GSE1: variants seen among roughly 807,000 people sequenced by gnomAD.
GSE1 encodes Gse1 coiled-coil protein.
GSE1 carries 32 observed loss-of-function variants against 112.6 expected under a neutral mutation model. The observed-to-expected ratio is 0.28, with a 90% confidence interval of 0.21 to 0.38. The LOEUF is 0.38. Among genes scored for constraint, GSE1 ranks in the 10% least tolerant of loss-of-function variants. GSE1 has a pLI of 1.00. For synonymous variants in GSE1, 1,115 were observed against 735.6 expected, an observed-to-expected ratio of 1.52 and a Z score of -8.35; for missense variants, 2,348 against 1,699.2, an observed-to-expected ratio of 1.38 and a Z score of -6.71.
intron 1 of GSE1, among the ~76,000 whole-genome samples, chr16:85,331,361 G>GTATATATGTATATATATA (rs1299782485): frequency 7.5e-5 from 5 of 66,978 alleles, no homozygotes; most frequent in Non-Finnish European, 1.7e-4. Flanking sequence ...GTGTGTGTGT[G>GTATATATGTATATATATA]TGTGTATATA....
upstream of GSE1, among the ~76,000 whole-genome samples, chr16:85,612,461 G>A (rs2048054680): frequency 6.6e-6 from 1 of 152,102 alleles, no homozygotes; most frequent in Admixed American, 6.5e-5. Flanking sequence ...TTCTGGAGGC[G>A]GGCGACCTCG....
chr16:85,504,607 A>G (rs1429594471), intron 2 of GSE1, among the ~76,000 whole-genome samples: 1 of 152,250 alleles, frequency 6.6e-6, no homozygotes, highest in East Asian at 1.9e-4. Context: ...AGAATTGGGA[A>G]ATAAAGAGAT....
intron 2 of GSE1, among the ~76,000 whole-genome samples, chr16:85,438,869 G>A (rs1015891701): frequency 2.0e-5 from 3 of 152,198 alleles, no homozygotes; most frequent in Non-Finnish European, 4.4e-5. Context: ...CTCCCGTACT[G>A]ACCACTGCGT....
At chr16:85,429,088 C>T (rs1192312369) in intron 2 of GSE1, among the ~76,000 whole-genome samples, 2 of 152,246 alleles carry the variant, frequency 1.3e-5, no homozygotes, top group Non-Finnish European at 2.9e-5. Flanking sequence ...CTGCATCACT[C>T]ACGGTAAACA....
At chr16:85,654,486 A>T (rs1598614279) in intron 4 of GSE1, 36 bp downstream of exon 4, 3 of 1,529,748 alleles carry the variant, frequency 2.0e-6, no homozygotes. Flanking sequence ...TGAGGTGGCC[A>T]GGTGGGGACA....
chr16:85,272,763 T>C (rs1021522852), intron 1 of GSE1, among the ~76,000 whole-genome samples: 9 of 150,206 alleles, frequency 6.0e-5, no homozygotes, highest in Non-Finnish European at 1.2e-4. Context: ...TGCTTGCTTG[T>C]TTTCTTCTCT....
intron 2 of GSE1, among the ~76,000 whole-genome samples, chr16:85,486,330 C>G (rs1464415859): frequency 6.6e-6 from 1 of 152,232 alleles, no homozygotes; most frequent in East Asian, 1.9e-4. Context: ...CTCTTGCACG[C>G]ATGTTGTCAC....
intron 7 of GSE1, among the ~76,000 whole-genome samples, chr16:85,657,012 C>T (rs981026187): frequency 1.3e-5 from 2 of 152,222 alleles, no homozygotes; most frequent in African/African-American, 4.8e-5. Flanking sequence ...TAATAGTCTG[C>T]TCTTTGAGCC....
chr16:85,594,244 G>GA (rs2047125511), intron 1 of GSE1: 4 of 131,806 alleles, frequency 3.0e-5, no homozygotes, highest in African/African-American at 1.1e-4. Context: ...GGGGGGGGGG[G>GA]GCGGAGGGGA....
intron 1 of GSE1, among the ~76,000 whole-genome samples, chr16:85,572,674 G>A (rs143217102): frequency 9.9e-5 from 15 of 152,268 alleles, no homozygotes; most frequent in Admixed American, 2.0e-4. Flanking sequence ...GGGCTGCTCC[G>A]GAACCCAGTT....
chr16:85,648,036 T>C (rs927170322), intron 2 of GSE1, among the ~76,000 whole-genome samples: 2 of 151,656 alleles, frequency 1.3e-5, no homozygotes, highest in African/African-American at 2.4e-5. Context: ...GGGTCTCTGC[T>C]GCTTACACGT....
rs985557743 is a variant in GSE1 at position 85,617,622 on chromosome 16, A to G, written c.7+4224A>G. On this transcript the variant is annotated intron_variant, in intron 1 of 15. Transcript: ENST00000253458. ...CCCCCCCCCCCCCCCGTTAACTGCC[A>G]CGTGCAGCCCAAGCTGAGACCCTGG... Among the ~76,000 whole-genome samples, 2 of 87,450 alleles carry G rather than the reference A, an allele frequency of 2.3e-5. 1 individual carries two copies. The highest frequency in any genetic ancestry group is 4.5e-5 in the Non-Finnish European group (2 of 44,746). 57.4% of individuals were successfully genotyped at this position (87,450 alleles called of 152,430 possible).
At chr16:85,661,842 T>G in intron 9 of GSE1, 77 bp downstream of exon 9, 1 of 1,355,068 alleles carries the variant, frequency 7.4e-7, no homozygotes, top group African/African-American at 1.5e-5. Context: ...GCCAGCCACC[T>G]GCCCCTCTCC....
chr16:85,255,090 G>A (rs191494742), intron 1 of GSE1, among the ~76,000 whole-genome samples: 2,511 of 152,290 alleles, frequency 0.016, 38 homozygotes, highest in Non-Finnish European at 0.026. Context: ...AGAGGGAGGC[G>A]GCGGCGGCGG....
intron 4 of GSE1, 80 bp downstream of exon 4, chr16:85,654,530 C>A (rs564476718): frequency 5.7e-6 from 7 of 1,236,886 alleles, no homozygotes; most frequent in Non-Finnish European, 6.8e-6. Flanking sequence ...AGGCAGCCTG[C>A]GGTCTGCACA....
At chr16:85,291,637 G>C (rs1043786890) in intron 1 of GSE1, among the ~76,000 whole-genome samples, 1 of 152,186 alleles carries the variant, frequency 6.6e-6, no homozygotes, top group African/African-American at 2.4e-5. Flanking sequence ...TTTTCCGCCC[G>C]GCCAGCCGCA....
intron 2 of GSE1, among the ~76,000 whole-genome samples, chr16:85,443,176 C>T (rs2049422641): frequency 6.6e-6 from 1 of 152,232 alleles, no homozygotes; most frequent in Non-Finnish European, 1.5e-5. Flanking sequence ...GGGCACCGGC[C>T]AGCCCGGTGC....
intron 1 of GSE1, among the ~76,000 whole-genome samples, chr16:85,192,267 A>T (rs1441527412): frequency 6.6e-6 from 1 of 152,222 alleles, no homozygotes; most frequent in African/African-American, 2.4e-5. Flanking sequence ...TGGGGTTCAA[A>T]TCGGGGCTCT....
intron 2 of GSE1, among the ~76,000 whole-genome samples, chr16:85,443,123 G>T (rs931790178): frequency 2.6e-5 from 4 of 152,236 alleles, no homozygotes; most frequent in African/African-American, 9.6e-5. Flanking sequence ...TTCCCAGTAA[G>T]GTCCTAGCCT....
Sources: allele counts gnomAD v4.1 joint callset (sites outside exome capture counted in the v4.1 genomes callset), GRCh38; gene constraint gnomAD v4.1.1; transcripts MANE v1.5; gene names NCBI Gene and HGNC (gene_info 2026-07-23, HGNC 2026-07-21).